The following ATE1 variants were observed in gnomAD, a reference collection of about 807,000 sequenced individuals.
ATE1 encodes the protein arginyl-tRNA--protein transferase 1.
ATE1 carries 36 observed loss-of-function variants against 70.5 expected under a neutral mutation model. That is an observed-to-expected ratio of 0.51 (90% CI 0.39 to 0.67). ATE1 has a LOEUF of 0.67. Among genes scored for constraint, ATE1 ranks in the 30% least tolerant of loss-of-function variants. ATE1 has a pLI of 0.00. For missense variants in ATE1, 593 were observed against 629.5 expected (o/e 0.94, Z 0.62); for synonymous variants, 232 against 219.3 (o/e 1.06, Z -0.51).
rs988072880 is a variant in ATE1 at position 121,742,485 on chromosome 10, A to C, written c.*1195T>G. On this transcript the variant is annotated 3_prime_UTR_variant, in exon 12 of 12. Coordinates refer to ENST00000224652, the MANE Select transcript of ATE1 (RefSeq NM_001001976.3). ...CAGCTGACAAAGAGGGCACAAGAAA[A>C]TAACCCTCCTGTTTTTCATCCTGTT... is the stretch of plus-strand genomic sequence containing the variant. The C allele has an allele frequency of 1.3e-5, 2 of 152,226 alleles. No individual in the cohort carries two copies. Among genetic ancestry groups the C allele is most frequent in the Admixed American group, 1.3e-4 (2 of 15,272 alleles). 9.4% of individuals were successfully genotyped at this position (152,226 alleles called of 1,614,324 possible). A position where few individuals can be genotyped will look rare whatever the true frequency, so the allele number is the denominator to read the frequency against.
chr10:121,807,161 C>G (rs1331768584), intron 10 of ATE1, among the ~76,000 whole-genome samples: 1 of 152,162 alleles, frequency 6.6e-6, no homozygotes, highest in African/African-American at 2.4e-5. Context: ...ATTTGCTTTC[C>G]CAAGATATCA....
chr10:121,883,486 G>T (rs1461335874), intron 7 of ATE1, among the ~76,000 whole-genome samples: 1 of 152,138 alleles, frequency 6.6e-6, no homozygotes, highest in African/African-American at 2.4e-5. Context: ...GGACAACAGA[G>T]TAACTTTAGA....
chr10:121,928,281 T>G, upstream of ATE1: 2 of 1,479,262 alleles, frequency 1.4e-6, no homozygotes, highest in South Asian at 2.6e-5. Context: ...GAGCCTGCCC[T>G]TTCCCCCGCC....
intron 7 of ATE1, among the ~76,000 whole-genome samples, chr10:121,886,372 C>T (rs11200217): frequency 0.13 from 20,023 of 151,738 alleles, 1,520 homozygotes; most frequent in East Asian, 0.19. Context: ...TCTGTGTGGG[C>T]TTGCTCTGGG....
Position 121,762,757 on chromosome 10 carries a change from A to G in ATE1, c.1379-18899T>C, listed in dbSNP as rs983981760. Among the ~76,000 whole-genome samples, 8 of 152,252 alleles carry G rather than the reference A, an allele frequency of 5.3e-5. No homozygotes were observed. The East Asian group carries it at 1.3e-3, about 26-fold the overall frequency. ...TACTTGGAACTGGAATCACAGGTAA[A>G]TAATTATCTTACTAGCTTTTACGAA... On this transcript the variant is annotated intron_variant, in intron 11 of 11. Transcript: ENST00000224652.
intron 10 of ATE1, among the ~76,000 whole-genome samples, chr10:121,823,731 G>A (rs189483412): frequency 6.6e-6 from 1 of 152,192 alleles, no homozygotes; most frequent in African/African-American, 2.4e-5. Context: ...ATTGTAAAGA[G>A]AGAGATTAGA....
At chr10:121,795,086 A>G (rs1946610122) in intron 10 of ATE1, among the ~76,000 whole-genome samples, 1 of 152,092 alleles carries the variant, frequency 6.6e-6, no homozygotes. Flanking sequence ...CATCTCTACT[A>G]AAAATATAAA....
At chr10:121,765,769 T>G (rs920113853) in intron 11 of ATE1, among the ~76,000 whole-genome samples, 14 of 152,228 alleles carry the variant, frequency 9.2e-5, no homozygotes, top group African/African-American at 3.4e-4. Context: ...TAACCTCGGT[T>G]GTCACTTTAT....
intron 11 of ATE1, among the ~76,000 whole-genome samples, chr10:121,757,922 T>A (rs1473406553): frequency 6.6e-6 from 1 of 152,238 alleles, no homozygotes; most frequent in South Asian, 2.1e-4. Context: ...CTTTTCTCAT[T>A]GTTAAATTTT....
intron 10 of ATE1, among the ~76,000 whole-genome samples, chr10:121,807,462 G>A (rs1297417365): frequency 1.3e-5 from 2 of 152,068 alleles, no homozygotes; most frequent in Non-Finnish European, 2.9e-5. Flanking sequence ...ATCCCAGTTT[G>A]GTAATACATG....
chr10:121,842,097 G>C (rs948455957), intron 8 of ATE1, among the ~76,000 whole-genome samples: 7 of 152,114 alleles, frequency 4.6e-5, no homozygotes, highest in Non-Finnish European at 7.4e-5. Context: ...TTCTAGGTGA[G>C]AGTTCTTGTG....
intron 7 of ATE1, among the ~76,000 whole-genome samples, chr10:121,870,496 A>T (rs12762848): frequency 6.6e-6 from 1 of 152,144 alleles, no homozygotes; most frequent in African/African-American, 2.4e-5. Flanking sequence ...AAAGACCAAG[A>T]GAGAGGTCAG....
intron 11 of ATE1, among the ~76,000 whole-genome samples, chr10:121,779,976 A>G (rs1332211082): frequency 6.6e-6 from 1 of 152,004 alleles, no homozygotes; most frequent in Admixed American, 6.6e-5. Flanking sequence ...CCTCCAATGG[A>G]ATTCTTCATC....
Position 121,743,652 on chromosome 10 carries a change from C to A in ATE1, c.*28G>T. 6.3e-7 allele frequency: 1 copy of A among 1,575,110 alleles called. No individual in the cohort carries two copies. Among genetic ancestry groups the A allele is most frequent in the Non-Finnish European group, 8.6e-7 (1 of 1,161,854 alleles). On this transcript the variant is annotated 3_prime_UTR_variant, in exon 12 of 12. Coordinates refer to ENST00000224652, the MANE Select transcript of ATE1 (RefSeq NM_001001976.3). ...CCTGGCACAAATCATCAGCACAACA[C>A]AGGAACTTCCCGGCAGAGGTGAACA...
upstream of ATE1, chr10:121,928,133 G>C: frequency 4.0e-6 from 5 of 1,244,106 alleles, no homozygotes; most frequent in Non-Finnish European, 5.0e-6. Flanking sequence ...CATCTTGACC[G>C]AGGGCAGCTT....
chr10:121,843,029 G>A lies in ATE1; in HGVS notation c.976-1766C>T, dbSNP rs577633454. On this transcript the variant is annotated intron_variant, in intron 8 of 11. Transcript: ENST00000224652. ...GTGTATAGACTGGAAAGGAGGAAAA[G>A]CCTGTCTTTCTTTATAGATAACATG... is the stretch of plus-strand genomic sequence containing the variant. Among the ~76,000 whole-genome samples, 4 of 152,262 alleles carry A rather than the reference G, an allele frequency of 2.6e-5. No homozygotes were observed. In the South Asian group the frequency reaches 8.3e-4, roughly 32 times the overall value.
rs60355996 is a variant in ATE1, at chr10:121,918,637, A to G, written c.233+3712T>C. 5.5e-3 allele frequency among the ~76,000 whole-genome samples: 835 copies of G among 152,282 alleles called. 9 individuals are homozygous for G. The highest frequency in any genetic ancestry group is 0.02 in the African/African-American group (811 of 41,558). ...CCAATAAATTGCTAATTGAAGACAA[A>G]TGACTTCTGCCTTAGAAGATACCTT... On this transcript the variant is annotated intron_variant, in intron 3 of 11. Coordinates refer to ENST00000224652, the MANE Select transcript of ATE1 (RefSeq NM_001001976.3).
At chr10:121,860,288 C>A (rs905700589) in intron 8 of ATE1, among the ~76,000 whole-genome samples, 5 of 152,166 alleles carry the variant, frequency 3.3e-5, no homozygotes, top group African/African-American at 4.8e-5. Context: ...TAAGAAAGAC[C>A]AAAGCCTGAA....
At position 121,791,818 on chromosome 10, in the gene ATE1, T is replaced by A. The variant is rs1352618783; in HGVS notation, c.1258-1529A>T. Reference sequence around the variant, plus strand: ...AATGCTGCTCATGAACCACCAAAACTGCTTTTACAAGCAACAAATGAGTTA... The same window carrying A: ...AATGCTGCTCATGAACCACCAAAACAGCTTTTACAAGCAACAAATGAGTTA... On this transcript the variant is annotated intron_variant, in intron 10 of 11. Transcript: ENST00000224652. Among the ~76,000 whole-genome samples the A allele has an allele frequency of 7.9e-5, 12 of 152,202 alleles. No homozygotes were observed. The South Asian group carries it at 1.4e-3, about 18-fold the overall frequency.
Sources: gnomAD v4.1 joint callset for allele counts (sites outside exome capture counted in the v4.1 genomes callset) on GRCh38, gnomAD v4.1.1 for gene constraint, MANE v1.5 for transcripts, NCBI Gene and HGNC (gene_info 2026-07-23, HGNC 2026-07-21) for gene names.